Variants in PPP2R5C observed in about 807,000 individuals in gnomAD.
PPP2R5C encodes the protein serine/threonine-protein phosphatase 2A 56 kDa regulatory subunit gamma isoform.
A neutral mutation model predicts 68.9 loss-of-function variants in PPP2R5C; 7 were observed. The observed-to-expected ratio is 0.10, with a 90% confidence interval of 0.06 to 0.19. The LOEUF (loss-of-function observed/expected upper bound fraction) is 0.19, where lower values mean the gene tolerates loss of function less well. PPP2R5C is among the 10% of genes least tolerant of loss of function. The pLI is 1.00. For missense variants in PPP2R5C, 348 were observed against 641.3 expected, an observed-to-expected ratio of 0.54 and a Z score of 4.94; for synonymous variants, 210 against 222.2, an observed-to-expected ratio of 0.95 and a Z score of 0.49.
At chr14:101,920,389 A>G (rs1217180917) in intron 13 of PPP2R5C, among the ~76,000 whole-genome samples, 1 of 152,256 alleles carries the variant, frequency 6.6e-6, no homozygotes, top group African/African-American at 2.4e-5. Flanking sequence ...GTAAATACAC[A>G]CACAGGCAGG....
At chr14:101,856,357 C>T (rs1042952615) in intron 1 of PPP2R5C, among the ~76,000 whole-genome samples, 2 of 152,144 alleles carry the variant, frequency 1.3e-5, no homozygotes, top group Admixed American at 1.3e-4. Context: ...TTCCACTGCC[C>T]GACACGGTGC....
At chr14:101,895,352 C>T (rs1301766683) in intron 8 of PPP2R5C, among the ~76,000 whole-genome samples, 4 of 151,950 alleles carry the variant, frequency 2.6e-5, no homozygotes, top group African/African-American at 7.3e-5. Context: ...TCATTTTAAC[C>T]GCGTTAAATG....
intron 13 of PPP2R5C, among the ~76,000 whole-genome samples, chr14:101,921,725 G>A (rs1305492821): frequency 6.6e-6 from 1 of 152,118 alleles, no homozygotes. Flanking sequence ...GAGATGATGT[G>A]AGTGTTGGGT....
rs138448599 is a variant in PPP2R5C at position 101,884,153 on chromosome 14, T to C, written c.629+591T>C. ...AGCTGAAGAATTTAGAGTCCAATGT[T>C]CAAGGGCAGGAAGCATCCAGCACAG... is the stretch of plus-strand genomic sequence containing the variant. On this transcript the variant is annotated intron_variant, in intron 5 of 13. Coordinates refer to ENST00000334743, the Ensembl canonical transcript of PPP2R5C. Among the ~76,000 whole-genome samples, 234 of 152,206 alleles carry C rather than the reference T, an allele frequency of 1.5e-3. 3 individuals are homozygous for C. Among genetic ancestry groups the C allele is most frequent in the South Asian group, 0.012 (59 of 4,822 alleles).
intron 1 of PPP2R5C, among the ~76,000 whole-genome samples, chr14:101,814,342 A>G (rs2039536473): frequency 6.6e-6 from 1 of 152,154 alleles, no homozygotes; most frequent in African/African-American, 2.4e-5. Context: ...CCTGTATCCA[A>G]TCCTGTATCC....
chr14:101,820,897 G>A (rs2140266230), intron 1 of PPP2R5C: 1 of 152,174 alleles, frequency 6.6e-6, no homozygotes. Context: ...AGTATGGTCA[G>A]TATCAATGGA....
chr14:101,788,336 G>C (rs566721779), intron 3 of PPP2R5C, among the ~76,000 whole-genome samples: 2 of 152,300 alleles, frequency 1.3e-5, no homozygotes, highest in South Asian at 4.1e-4. Context: ...GATTATAATT[G>C]CTGTGTTGAT....
chr14:101,900,756 A>G (rs1410047233), intron 8 of PPP2R5C, among the ~76,000 whole-genome samples: 1 of 152,258 alleles, frequency 6.6e-6, no homozygotes, highest in Admixed American at 6.5e-5. Context: ...TGACTTGGCC[A>G]AGGAACATAA....
intron 2 of PPP2R5C, among the ~76,000 whole-genome samples, chr14:101,763,813 A>G (rs2036695612): frequency 6.6e-6 from 1 of 152,164 alleles, no homozygotes; most frequent in Non-Finnish European, 1.5e-5. Flanking sequence ...CGCCACTTCC[A>G]TTGCAAGCTG....
intron 9 of PPP2R5C, among the ~76,000 whole-genome samples, chr14:101,902,799 T>C (rs1273498958): frequency 6.6e-6 from 1 of 152,142 alleles, no homozygotes; most frequent in Non-Finnish European, 1.5e-5. Context: ...AAGAGATCAT[T>C]GAAACCAACA....
intron 2 of PPP2R5C, among the ~76,000 whole-genome samples, chr14:101,767,880 G>A (rs755528316): frequency 1.4e-4 from 21 of 152,122 alleles, no homozygotes; most frequent in Non-Finnish European, 2.1e-4. Flanking sequence ...TTGAGGGAGT[G>A]GTGGGTTCTT....
Position 101,778,725 on chromosome 14 carries a change from T to C in PPP2R5C, c.94-7293T>C, listed in dbSNP as rs61993989. Among the ~76,000 whole-genome samples the C allele has an allele frequency of 4.9e-3, 751 of 152,334 alleles. 3 individuals carry two copies. Among genetic ancestry groups the C allele is most frequent in the Non-Finnish European group, 8.6e-3 (583 of 68,034 alleles). On this transcript the variant is annotated intron_variant, in intron 2 of 14. Coordinates refer to the PPP2R5C transcript ENST00000328724. ...CCATCAATCTGTATGTCTGTCCTTA[T>C]GCCAGTATCATACTACCTTGAGCCA...
intron 2 of PPP2R5C, among the ~76,000 whole-genome samples, chr14:101,773,276 G>A (rs567701216): frequency 2.0e-5 from 3 of 152,090 alleles, no homozygotes; most frequent in Non-Finnish European, 4.4e-5. Context: ...AATGGCCCTG[G>A]GGATCTCAAT....
chr14:101,794,009 AG>A (rs2038492812), intron 3 of PPP2R5C, among the ~76,000 whole-genome samples: 1 of 152,020 alleles, frequency 6.6e-6, no homozygotes, highest in South Asian at 2.1e-4. Flanking sequence ...CTACCAGCTG[AG>A]CCTGGGGTTT....
chr14:101,878,917 A>G (rs2043968144), intron 2 of PPP2R5C, among the ~76,000 whole-genome samples: 1 of 152,160 alleles, frequency 6.6e-6, no homozygotes. Context: ...AGTCGGGGAC[A>G]TTTTACTTTT....
intron 1 of PPP2R5C, among the ~76,000 whole-genome samples, chr14:101,823,297 CGAGCAGTTCA>C (rs1249306806): frequency 1.3e-5 from 2 of 152,108 alleles, no homozygotes; most frequent in Non-Finnish European, 2.9e-5. Context: ...GAACCCGGGC[CGAGCAGTTCA>C]GAGCAGTGAA....
intron 1 of PPP2R5C, among the ~76,000 whole-genome samples, chr14:101,827,955 G>T (rs1337086840): frequency 1.3e-5 from 2 of 152,018 alleles, no homozygotes; most frequent in South Asian, 2.1e-4. Context: ...TTTTTTGTAG[G>T]ATCTTTTTTT....
chr14:101,852,469 CTTTTTTTTTTTT>C (rs559509845), intron 1 of PPP2R5C, among the ~76,000 whole-genome samples: 6 of 115,106 alleles, frequency 5.2e-5, no homozygotes, highest in Non-Finnish European at 1.1e-4. Flanking sequence ...TTTTCTTTTT[CTTTTTTTTTTTT>C]TTTTTGAGAC....
intron 2 of PPP2R5C, among the ~76,000 whole-genome samples, chr14:101,880,195 ACT>A (rs1028752501): frequency 6.6e-6 from 1 of 152,082 alleles, no homozygotes; most frequent in African/African-American, 2.4e-5. Flanking sequence ...AGTCAGGTTA[ACT>A]CTCGGTTTTA....
Sources: allele counts gnomAD v4.1 joint callset (sites outside exome capture counted in the v4.1 genomes callset), GRCh38; gene constraint gnomAD v4.1.1; transcripts MANE v1.5; gene names NCBI Gene and HGNC (gene_info 2026-07-23, HGNC 2026-07-21).